RAD51B: variants seen among roughly 807,000 people sequenced by gnomAD.
RAD51B encodes the protein DNA repair protein RAD51 homolog 2.
Under a neutral mutation model 42.2 loss-of-function variants are expected in RAD51B, and 38 were observed. That is an observed-to-expected ratio of 0.90 (90% CI 0.70 to 1.18). The LOEUF (loss-of-function observed/expected upper bound fraction) is 1.18, where lower values mean the gene tolerates loss of function less well. Among genes scored for constraint, RAD51B ranks in the 50% most tolerant of loss-of-function variants. RAD51B has a pLI of 0.00. For missense variants in RAD51B, 373 were observed against 400.7 expected, an observed-to-expected ratio of 0.93 and a Z score of 0.59; for synonymous variants, 154 against 145.2, an observed-to-expected ratio of 1.06 and a Z score of -0.43.
chr14:68,271,546 A>G (rs896771809), intron 7 of RAD51B, among the ~76,000 whole-genome samples: 7 of 152,214 alleles, frequency 4.6e-5, no homozygotes, highest in Non-Finnish European at 8.8e-5. Flanking sequence ...CATGGTAGGT[A>G]AGAAACAAGG....
At chr14:67,925,030 AGG>A (rs2044456570) in intron 7 of RAD51B, among the ~76,000 whole-genome samples, 1 of 152,260 alleles carries the variant, frequency 6.6e-6, no homozygotes, top group South Asian at 2.1e-4. Flanking sequence ...AAGGGGCTCC[AGG>A]CCCCATGCAA....
chr14:68,015,823 A>T (rs2075770258), intron 7 of RAD51B, among the ~76,000 whole-genome samples: 1 of 152,238 alleles, frequency 6.6e-6, no homozygotes, highest in African/African-American at 2.4e-5. Context: ...AATTTTTGAT[A>T]GCCTTAAACA....
At chr14:68,541,321 C>T in intron 10 of RAD51B, 1 of 985,474 alleles carries the variant, frequency 1.0e-6, no homozygotes, top group Non-Finnish European at 1.2e-6. Context: ...AGAACTGGCT[C>T]TAACAGGCTA....
intron 9 of RAD51B, among the ~76,000 whole-genome samples, chr14:68,441,223 A>G (rs369006075): frequency 2.0e-5 from 3 of 152,188 alleles, no homozygotes; most frequent in Non-Finnish European, 4.4e-5. Flanking sequence ...TGAGAAGACC[A>G]TAATTTTTTA....
intron 10 of RAD51B, chr14:68,469,255 A>T (rs1408101818): frequency 3.4e-6 from 1 of 294,560 alleles, no homozygotes; most frequent in Non-Finnish European, 7.7e-6. Context: ...TAATTTCCCC[A>T]TGGAGACACA....
chr14:68,320,139 G>C (rs1385308943), intron 8 of RAD51B, among the ~76,000 whole-genome samples: 3 of 152,112 alleles, frequency 2.0e-5, no homozygotes, highest in Non-Finnish European at 4.4e-5. Context: ...CTTGATATTG[G>C]AATCATCCCT....
At chr14:68,405,728 C>T (rs775229077) in intron 8 of RAD51B, among the ~76,000 whole-genome samples, 19 of 150,304 alleles carry the variant, frequency 1.3e-4, no homozygotes, top group Admixed American at 6.0e-4. Flanking sequence ...TTTAGCGACG[C>T]GGAGTCCTTT....
At chr14:67,827,688 G>A (rs1294337949) in intron 3 of RAD51B, among the ~76,000 whole-genome samples, 1 of 152,078 alleles carries the variant, frequency 6.6e-6, no homozygotes, top group Non-Finnish European at 1.5e-5. Context: ...GTGTCCATGT[G>A]TCCATGTGTT....
At chr14:67,994,968 G>A (rs2075356531) in intron 7 of RAD51B, among the ~76,000 whole-genome samples, 1 of 152,088 alleles carries the variant, frequency 6.6e-6, no homozygotes, top group South Asian at 2.1e-4. Flanking sequence ...TATACAACAC[G>A]ATGACCTTGA....
At chr14:68,196,123 G>A (rs2079367811) in intron 7 of RAD51B, among the ~76,000 whole-genome samples, 1 of 151,254 alleles carries the variant, frequency 6.6e-6, no homozygotes, top group Non-Finnish European at 1.5e-5. Context: ...AGAATCGCTT[G>A]GAGCTTGCAG....
chr14:68,257,128 T>C (rs919460526), intron 7 of RAD51B, among the ~76,000 whole-genome samples: 2 of 152,194 alleles, frequency 1.3e-5, no homozygotes, highest in Non-Finnish European at 2.9e-5. Flanking sequence ...ATGATTCCAC[T>C]TATATGGGTA....
At chr14:68,180,333 A>T (rs979435647) in intron 7 of RAD51B, among the ~76,000 whole-genome samples, 1 of 152,098 alleles carries the variant, frequency 6.6e-6, no homozygotes, top group Admixed American at 6.5e-5. Context: ...CTAATGGCTC[A>T]GTTTGTTCTA....
At chr14:67,865,555 T>C (rs2042312117) in intron 5 of RAD51B, among the ~76,000 whole-genome samples, 1 of 144,792 alleles carries the variant, frequency 6.9e-6, no homozygotes, top group South Asian at 2.3e-4. Flanking sequence ...TTTTTTTTTT[T>C]TGAGATGGAG....
chr14:67,888,285 C>A (rs1372998256), intron 7 of RAD51B, among the ~76,000 whole-genome samples: 3 of 151,972 alleles, frequency 2.0e-5, no homozygotes, highest in Admixed American at 6.6e-5. Flanking sequence ...ATGATAAATT[C>A]AAATTTATAT....
At chr14:68,316,614 G>T (rs926455059) in intron 8 of RAD51B, among the ~76,000 whole-genome samples, 1 of 152,116 alleles carries the variant, frequency 6.6e-6, no homozygotes, top group Non-Finnish European at 1.5e-5. Context: ...TTTCCTTCTC[G>T]GCTGTGAGAC....
chr14:68,264,009 C>A (rs142338387), intron 7 of RAD51B, among the ~76,000 whole-genome samples: 1 of 152,190 alleles, frequency 6.6e-6, no homozygotes, highest in South Asian at 2.1e-4. Flanking sequence ...GCCAAGGCCC[C>A]CAAAACACAA....
intron 8 of RAD51B, among the ~76,000 whole-genome samples, chr14:68,357,700 G>C (rs1008112085): frequency 3.9e-5 from 6 of 152,138 alleles, no homozygotes; most frequent in Non-Finnish European, 2.9e-5. Flanking sequence ...TCAGTGACCA[G>C]CTACATTGTC....
chr14:67,915,419 T>C (rs2044118726), intron 7 of RAD51B, among the ~76,000 whole-genome samples: 2 of 152,232 alleles, frequency 1.3e-5, no homozygotes, highest in Admixed American at 6.5e-5. Flanking sequence ...TCTTTCAGAA[T>C]AGGCCTTTTC....
intron 9 of RAD51B, among the ~76,000 whole-genome samples, chr14:68,459,502 G>A (rs113439587): frequency 0.13 from 20,443 of 152,190 alleles, 1,886 homozygotes; most frequent in Non-Finnish European, 0.2. Flanking sequence ...CCTGTAGAAG[G>A]ACATTTCAGT....
Sources: allele counts gnomAD v4.1 joint callset (sites outside exome capture counted in the v4.1 genomes callset), GRCh38; gene constraint gnomAD v4.1.1; transcripts MANE v1.5; gene names NCBI Gene and HGNC (gene_info 2026-07-23, HGNC 2026-07-21).